Variants in DNAJC1 observed in about 807,000 individuals in gnomAD.
DNAJC1 encodes the protein DnaJ heat shock protein family (Hsp40) member C1.
In DNAJC1, 58 loss-of-function variants were observed where a neutral mutation model predicts 76.6. The observed-to-expected ratio is 0.76, with a 90% CI of 0.61 to 0.94. DNAJC1 has a LOEUF of 0.94. DNAJC1 is among the 40% of genes least tolerant of loss of function. The probability of loss-of-function intolerance (pLI) is 0.00; values close to 1 mark genes in which losing one functional copy is unlikely to be tolerated. For missense variants in DNAJC1, 689 were observed against 677.3 expected (o/e 1.02, Z -0.19); for synonymous variants, 258 against 267.9 (o/e 0.96, Z 0.36).
chr10:21,935,446 G>GA (rs1397681935), intron 1 of DNAJC1, among the ~76,000 whole-genome samples: 3 of 151,678 alleles, frequency 2.0e-5, no homozygotes, highest in Non-Finnish European at 2.9e-5. Flanking sequence ...GAGCAGAAAG[G>GA]AAAAAAATGA....
intron 11 of DNAJC1, 45 bp downstream of exon 11, chr10:21,759,125 T>C (rs760792845): frequency 6.4e-7 from 1 of 1,557,438 alleles, no homozygotes; most frequent in Non-Finnish European, 8.7e-7. Flanking sequence ...GCTCCTCTGG[T>C]GGGATTCTAA....
chr10:21,975,752 A>C (rs544397744), intron 1 of DNAJC1, among the ~76,000 whole-genome samples: 14 of 152,330 alleles, frequency 9.2e-5, no homozygotes, highest in African/African-American at 3.4e-4. Flanking sequence ...GAAGCACATT[A>C]ATTTTACTTA....
At chr10:21,810,658 G>A (rs1834950076) in intron 8 of DNAJC1, among the ~76,000 whole-genome samples, 1 of 152,122 alleles carries the variant, frequency 6.6e-6, no homozygotes, top group African/African-American at 2.4e-5. Context: ...AATTAAAACA[G>A]GGCCTTTAAT....
chr10:21,873,139 C>A (rs757504019), intron 8 of DNAJC1, among the ~76,000 whole-genome samples: 6 of 152,066 alleles, frequency 3.9e-5, no homozygotes, highest in Admixed American at 6.6e-5. Context: ...GACCCTCTCA[C>A]GTGGACCCCC....
At chr10:21,804,132 T>TA in intron 9 of DNAJC1, 1 of 229,260 alleles carries the variant, frequency 4.4e-6, no homozygotes, top group Non-Finnish European at 7.2e-6. Context: ...TCTTGGCATT[T>TA]AAAAAATTTT....
rs574020125 is a variant in DNAJC1, at chr10:21,771,810, T to C, written c.1099-5501A>G. ...ACTGAGTCCGGCTCAAACACTTCTC[T>C]TGAGATGATCGTGTGATACTGCTTT... is the stretch of plus-strand genomic sequence containing the variant. On this transcript the variant is annotated intron_variant, in intron 9 of 11. Coordinates refer to ENST00000376980, the MANE Select transcript of DNAJC1 (RefSeq NM_022365.4). 1.2e-4 allele frequency among the ~76,000 whole-genome samples: 19 copies of C among 152,340 alleles called. No homozygotes were observed. In the East Asian group the frequency reaches 3.3e-3, roughly 26 times the overall value.
chr10:21,915,265 C>T (rs903646893), intron 6 of DNAJC1, among the ~76,000 whole-genome samples: 2 of 152,236 alleles, frequency 1.3e-5, no homozygotes, highest in Non-Finnish European at 2.9e-5. Flanking sequence ...GTAATAAAAG[C>T]GAACTTGGGA....
chr10:21,876,443 A>G (rs1246154541), intron 8 of DNAJC1, among the ~76,000 whole-genome samples: 1 of 152,128 alleles, frequency 6.6e-6, no homozygotes, highest in African/African-American at 2.4e-5. Context: ...AAATTAATGG[A>G]TCTATTTATG....
chr10:21,956,422 GA>G (rs1425267061), intron 1 of DNAJC1, among the ~76,000 whole-genome samples: 1 of 151,464 alleles, frequency 6.6e-6, no homozygotes, highest in Admixed American at 6.6e-5. Flanking sequence ...TGTCTAATTA[GA>G]AAAAAATTAT....
intron 8 of DNAJC1, among the ~76,000 whole-genome samples, chr10:21,823,489 C>T (rs1412824984): frequency 1.3e-5 from 2 of 152,120 alleles, no homozygotes; most frequent in South Asian, 2.1e-4. Flanking sequence ...TTTTCTATCA[C>T]TGATGAGTAT....
intron 8 of DNAJC1, 97 bp downstream of exon 8, chr10:21,882,185 G>T (rs1236530231): frequency 2.7e-6 from 3 of 1,127,864 alleles, no homozygotes; most frequent in Non-Finnish European, 3.7e-6. Context: ...TTTGTGAAGT[G>T]CAATAAAACA....
chr10:21,925,200 T>G (rs538915804), intron 3 of DNAJC1, among the ~76,000 whole-genome samples: 2 of 152,164 alleles, frequency 1.3e-5, no homozygotes, highest in Non-Finnish European at 2.9e-5. Flanking sequence ...TTTGTAGAGA[T>G]AGGGTCTAGC....
intron 1 of DNAJC1, among the ~76,000 whole-genome samples, chr10:21,977,350 C>T (rs929095268): frequency 2.0e-5 from 3 of 152,130 alleles, no homozygotes; most frequent in Non-Finnish European, 4.4e-5. Context: ...ATCTACAAAG[C>T]TCAGTTTCTA....
chr10:21,855,586 A>G (rs1835821830), intron 8 of DNAJC1, among the ~76,000 whole-genome samples: 2 of 152,192 alleles, frequency 1.3e-5, no homozygotes, highest in Admixed American at 1.3e-4. Flanking sequence ...TCAATGATGA[A>G]TACAAATAGG....
At chr10:21,858,535 A>AAG (rs1295330255) in intron 8 of DNAJC1, among the ~76,000 whole-genome samples, 1 of 152,240 alleles carries the variant, frequency 6.6e-6, no homozygotes, top group Non-Finnish European at 1.5e-5. Flanking sequence ...GGCTGTATAG[A>AAG]AGATCTGTGT....
At chr10:21,803,880 C>T (rs1288480701) in intron 9 of DNAJC1, 64 of 973,942 alleles carry the variant, frequency 6.6e-5, no homozygotes, top group Middle Eastern at 1.1e-3. Flanking sequence ...AAAAAAAACC[C>T]AAAAAACAAA....
intron 8 of DNAJC1, among the ~76,000 whole-genome samples, chr10:21,846,102 A>G (rs568776266): frequency 5.9e-5 from 9 of 152,162 alleles, no homozygotes; most frequent in Admixed American, 6.5e-5. Context: ...GGTCAAATAA[A>G]CCTCCTCATG....
rs138773871 is a variant in DNAJC1, at chr10:21,869,954, C to T, written c.978+12328G>A. 5.3e-3 allele frequency among the ~76,000 whole-genome samples: 806 copies of T among 151,928 alleles called. 8 individuals are homozygous for T. Among genetic ancestry groups the T allele is most frequent in the African/African-American group, 0.014 (563 of 41,382 alleles). On this transcript the variant is annotated intron_variant, in intron 8 of 11. Coordinates refer to ENST00000376980, the MANE Select transcript of DNAJC1 (RefSeq NM_022365.4). ...AAAATAAAAACTTGATAAAAAAATTCGTATTTTATAAGTCAAGCATGTAAC... is the reference window on the plus strand; with the variant it reads ...AAAATAAAAACTTGATAAAAAAATTTGTATTTTATAAGTCAAGCATGTAAC...
intron 8 of DNAJC1, among the ~76,000 whole-genome samples, chr10:21,820,581 G>C (rs1835141654): frequency 1.3e-5 from 2 of 152,152 alleles, no homozygotes. Context: ...CACCACCTGG[G>C]TGTCTGCCAA....
Sources: allele counts gnomAD v4.1 joint callset (sites outside exome capture counted in the v4.1 genomes callset), GRCh38; gene constraint gnomAD v4.1.1; transcripts MANE v1.5; gene names NCBI Gene and HGNC (gene_info 2026-07-23, HGNC 2026-07-21).